The following GLRA3 variants were observed in gnomAD, a reference collection of about 807,000 sequenced individuals.
GLRA3 encodes the protein glycine receptor alpha 3, also known as glycine receptor subunit alpha-3.
In GLRA3, 44 loss-of-function variants were observed where a neutral mutation model predicts 60.4. The observed-to-expected ratio is 0.73, with a 90% CI of 0.57 to 0.94. The LOEUF is 0.94. GLRA3 is among the 40% of genes least tolerant of loss of function. The pLI, the probability that GLRA3 is intolerant of heterozygous loss-of-function variation, is 0.00. For missense variants in GLRA3, 508 were observed against 564.6 expected (o/e 0.90, Z 1.02); for synonymous variants, 223 against 192.9 (o/e 1.16, Z -1.29).
chr4:174,777,755 A>G (rs1390087355), intron 2 of GLRA3, among the ~76,000 whole-genome samples: 2 of 152,156 alleles, frequency 1.3e-5, no homozygotes, highest in Non-Finnish European at 2.9e-5. Context: ...TAATAAATAT[A>G]CCACATGAAT....
chr4:174,767,692 G>T (rs1279049080), intron 2 of GLRA3, among the ~76,000 whole-genome samples: 1 of 151,998 alleles, frequency 6.6e-6, no homozygotes, highest in Non-Finnish European at 1.5e-5. Flanking sequence ...GTCTTCCATG[G>T]GTTTGGGGAC....
intron 3 of GLRA3, among the ~76,000 whole-genome samples, chr4:174,766,092 A>G (rs1047986061): frequency 4.6e-5 from 7 of 151,928 alleles, no homozygotes; most frequent in Non-Finnish European, 1.0e-4. Context: ...TTTACTACCT[A>G]TTTACTATTC....
chr4:174,706,679 C>G (rs1735532508), intron 5 of GLRA3, among the ~76,000 whole-genome samples: 3 of 152,120 alleles, frequency 2.0e-5, no homozygotes, highest in Non-Finnish European at 4.4e-5. Context: ...AACTTTTTAT[C>G]TGTATCTTTT....
At chr4:174,761,190 A>G (rs1737929875) in intron 3 of GLRA3, among the ~76,000 whole-genome samples, 1 of 152,126 alleles carries the variant, frequency 6.6e-6, no homozygotes, top group African/African-American at 2.4e-5. Context: ...AAAATACTTC[A>G]AAAAGAATGT....
intron 7 of GLRA3, among the ~76,000 whole-genome samples, chr4:174,665,461 G>A (rs527757860): frequency 3.7e-4 from 56 of 152,112 alleles, no homozygotes; most frequent in Admixed American, 1.0e-3. Context: ...CCTGTAAGAT[G>A]TCTGCTGGCT....
intron 1 of GLRA3, among the ~76,000 whole-genome samples, chr4:174,824,210 ATTTC>A (rs2111405152): frequency 6.6e-6 from 1 of 152,274 alleles, no homozygotes. Context: ...ATATTTCAGT[ATTTC>A]TTTTAAGAAA....
rs144136121 is a variant in GLRA3 at position 174,681,274 on chromosome 4, A to C, written c.712+1528T>G. On this transcript the variant is annotated intron_variant, in intron 6 of 9. Coordinates refer to ENST00000274093, the MANE Select transcript of GLRA3 (RefSeq NM_006529.4). ...AAGTGTCTTGAGACCCTCTATCATA[A>C]AAATTCATCCCTAATTGATGTTTAT... 1.7e-4 allele frequency among the ~76,000 whole-genome samples: 26 copies of C among 152,326 alleles called. 1 individual carries two copies. In the East Asian group the frequency reaches 5.0e-3, roughly 29 times the overall value.
intron 1 of GLRA3, among the ~76,000 whole-genome samples, chr4:174,824,671 A>C (rs1260214676): frequency 6.6e-6 from 1 of 152,140 alleles, no homozygotes; most frequent in Admixed American, 6.5e-5. Context: ...TTTTGCATAG[A>C]ATATTCTCTT....
At chr4:174,740,719 G>C (rs573154840) in intron 3 of GLRA3, among the ~76,000 whole-genome samples, 6 of 152,282 alleles carry the variant, frequency 3.9e-5, no homozygotes, top group East Asian at 1.9e-4. Flanking sequence ...TTACAGAATA[G>C]AGCTCTCACC....
intron 9 of GLRA3, among the ~76,000 whole-genome samples, chr4:174,652,069 C>T (rs1733040705): frequency 6.6e-6 from 1 of 151,902 alleles, no homozygotes; most frequent in Non-Finnish European, 1.5e-5. Flanking sequence ...TGAAGCTTTT[C>T]TATCAGCTTA....
chr4:174,822,062 A>G (rs1740762483), intron 1 of GLRA3, among the ~76,000 whole-genome samples: 1 of 152,190 alleles, frequency 6.6e-6, no homozygotes. Flanking sequence ...GGGAGTTAAA[A>G]TTTAGATACA....
intron 2 of GLRA3, among the ~76,000 whole-genome samples, chr4:174,777,621 GTAATGACAAACACACGTTGT>G (rs1738652398): frequency 6.6e-6 from 1 of 152,122 alleles, no homozygotes; most frequent in African/African-American, 2.4e-5. Flanking sequence ...GTATGATACA[GTAATGACAAACACACGTTGT>G]TATGAATTTG....
intron 5 of GLRA3, 54 bp downstream of exon 5, chr4:174,715,434 C>A (rs1271751204): frequency 2.4e-6 from 2 of 839,596 alleles, no homozygotes; most frequent in East Asian, 2.4e-5. Context: ...GCATTAAAAG[C>A]TTGTATCTAC....
chr4:174,734,288 C>T (rs1196101115), intron 3 of GLRA3, among the ~76,000 whole-genome samples: 1 of 152,160 alleles, frequency 6.6e-6, no homozygotes, highest in Non-Finnish European at 1.5e-5. Flanking sequence ...TCCCATGCGT[C>T]AGGAAGCACA....
At chr4:174,796,619 C>A (rs1343711422) in intron 1 of GLRA3, among the ~76,000 whole-genome samples, 2 of 151,908 alleles carry the variant, frequency 1.3e-5, no homozygotes, top group Non-Finnish European at 2.9e-5. Context: ...TGACTGAAAC[C>A]TCCGCCTCCT....
chr4:174,773,575 A>G (rs1404240121), intron 2 of GLRA3, among the ~76,000 whole-genome samples: 1 of 152,234 alleles, frequency 6.6e-6, no homozygotes, highest in East Asian at 1.9e-4. Flanking sequence ...CTAAAAGATT[A>G]AATTTCAAAA....
rs1459625324 is a variant in GLRA3, at chr4:174,828,899, C to T, written c.-88G>A. On this transcript the variant is annotated 5_prime_UTR_variant, in exon 1 of 10. Transcript: ENST00000274093. ...ACAGAATGAAAATGTACAATCTAAC[C>T]CCGCATGGTGTTGGTGTAGACTGAT... 1.1e-6 allele frequency: 1 copy of T among 918,090 alleles called. No individual in the cohort carries two copies. The highest frequency in any genetic ancestry group is 1.8e-6 in the Non-Finnish European group (1 of 552,270). The allele number at this position is 918,090 out of a possible 1,614,324, so 56.9% of individuals were successfully genotyped here. A position where few individuals can be genotyped will look rare whatever the true frequency, so the allele number is the denominator to read the frequency against.
intron 1 of GLRA3, among the ~76,000 whole-genome samples, chr4:174,798,819 G>C (rs150504353): frequency 0.039 from 5,975 of 152,218 alleles, 147 homozygotes; most frequent in South Asian, 0.06. Flanking sequence ...AGCTACTCGG[G>C]AGGCTGAGGC....
rs77149988 is a variant in GLRA3, at chr4:174,789,582, T to C, written c.72-639A>G. ...ATGTACCATGTGCACCTGGATATTA[T>C]ATTAGTAGAACCTGTGTCCAGGAAA... On this transcript the variant is annotated intron_variant, in intron 1 of 9. Coordinates refer to ENST00000274093, the MANE Select transcript of GLRA3 (RefSeq NM_006529.4). Among the ~76,000 whole-genome samples the C allele has an allele frequency of 2.4e-3, 364 of 152,276 alleles. 5 individuals carry two copies. In the East Asian group the frequency reaches 0.058, roughly 24 times the overall value.
Sources: gnomAD v4.1 joint callset for allele counts (sites outside exome capture counted in the v4.1 genomes callset) on GRCh38, gnomAD v4.1.1 for gene constraint, MANE v1.5 for transcripts, NCBI Gene and HGNC (gene_info 2026-07-23, HGNC 2026-07-21) for gene names.